The following AGPS variants were observed in gnomAD, a reference collection of about 807,000 sequenced individuals.
AGPS encodes alkyldihydroxyacetonephosphate synthase, peroxisomal.
A neutral mutation model predicts 90.7 loss-of-function variants in AGPS; 26 were observed. The ratio of observed to expected loss-of-function variants is 0.29; its 90% CI spans 0.21 to 0.40. The LOEUF is 0.40. Ranked by LOEUF, AGPS falls within the 10% of genes least tolerant of loss-of-function variation. AGPS has a pLI of 1.00. For synonymous variants in AGPS, 294 were observed against 285.3 expected (o/e 1.03, Z -0.31); for missense variants, 540 against 816.1 (o/e 0.66, Z 4.12).
chr2:177,517,786 G>A lies in AGPS; in HGVS notation c.1698-3483G>A, dbSNP rs149561989. Among the ~76,000 whole-genome samples, 10 of 152,228 alleles carry A rather than the reference G, an allele frequency of 6.6e-5. No individual in the cohort carries two copies. In the East Asian group the frequency reaches 1.7e-3, roughly 26 times the overall value. ...TATGATTATCAAAACCAAAAAATTAGTGTTGTTTCAATATGATTACCTAAC... is the reference window on the plus strand; with the variant it reads ...TATGATTATCAAAACCAAAAAATTAATGTTGTTTCAATATGATTACCTAAC... On this transcript the variant is annotated intron_variant, in intron 17 of 19. Coordinates refer to ENST00000264167, the MANE Select transcript of AGPS (RefSeq NM_003659.4).
intron 10 of AGPS, among the ~76,000 whole-genome samples, chr2:177,469,264 A>T (rs1022873472): frequency 6.6e-6 from 1 of 152,172 alleles, no homozygotes; most frequent in Non-Finnish European, 1.5e-5. Flanking sequence ...AGAGGAGCTC[A>T]TTATTCACTT....
chr2:177,438,984 A>ACACG (rs1553509835), intron 5 of AGPS, among the ~76,000 whole-genome samples: 1 of 2,404 alleles, frequency 4.2e-4, no homozygotes, highest in East Asian at 0.1. Context: ...TTCTTGCAAT[A>ACACG]CACACACACA....
intron 15 of AGPS, among the ~76,000 whole-genome samples, chr2:177,506,321 C>T (rs1178785923): frequency 2.0e-5 from 3 of 151,484 alleles, no homozygotes; most frequent in African/African-American, 7.3e-5. Context: ...TCCACAAATA[C>T]TCAGCTTTCT....
chr2:177,395,789 G>T (rs1437572780), intron 1 of AGPS, among the ~76,000 whole-genome samples: 1 of 152,166 alleles, frequency 6.6e-6, no homozygotes, highest in African/African-American at 2.4e-5. Context: ...TTTATCACAT[G>T]GTTGTTTTAT....
At chr2:177,460,577 A>G (rs551114532) in intron 8 of AGPS, among the ~76,000 whole-genome samples, 61 of 152,340 alleles carry the variant, frequency 4.0e-4, no homozygotes, top group Middle Eastern at 6.8e-3. Flanking sequence ...TTAGGGCTCC[A>G]TGAATGTCTT....
chr2:177,406,200 T>TTTTGTTTCC (rs1685462936), intron 1 of AGPS, among the ~76,000 whole-genome samples: 1 of 152,228 alleles, frequency 6.6e-6, no homozygotes, highest in African/African-American at 2.4e-5. Context: ...GTCTCACTTC[T>TTTTGTTTCC]AGCCTGGTCT....
At chr2:177,513,424 G>T (rs779987551) in intron 16 of AGPS, among the ~76,000 whole-genome samples, 23 of 152,278 alleles carry the variant, frequency 1.5e-4, no homozygotes, top group Admixed American at 2.0e-4. Flanking sequence ...AAACTTCTTA[G>T]ACATGGGTAA....
chr2:177,530,616 A>C (rs2079129690), intron 19 of AGPS, among the ~76,000 whole-genome samples: 1 of 152,118 alleles, frequency 6.6e-6, no homozygotes, highest in Non-Finnish European at 1.5e-5. Context: ...GGGTTGGGAG[A>C]ATATTGATGC....
intron 5 of AGPS, among the ~76,000 whole-genome samples, chr2:177,438,437 G>T (rs1686484993): frequency 6.6e-6 from 1 of 152,158 alleles, no homozygotes; most frequent in Admixed American, 6.5e-5. Context: ...AGTATATTTT[G>T]CTTTAAGAAA....
chr2:177,521,161 A>T, intron 17 of AGPS, 108 bp from the exon 18 acceptor site: 1 of 981,150 alleles, frequency 1.0e-6, no homozygotes, highest in East Asian at 2.5e-5. Flanking sequence ...AGAAACTGAG[A>T]TTATATCTTA....
chr2:177,480,189 T>A (rs4893828), intron 10 of AGPS, among the ~76,000 whole-genome samples: 131,150 of 151,810 alleles, frequency 0.86, 56,873 homozygotes, highest in East Asian at 0.98. Flanking sequence ...TCAAAAATTT[T>A]AAAAAAATAC....
intron 13 of AGPS, among the ~76,000 whole-genome samples, chr2:177,499,308 C>A (rs925861854): frequency 2.6e-5 from 4 of 151,672 alleles, no homozygotes; most frequent in African/African-American, 9.7e-5. Flanking sequence ...TTATTTGATT[C>A]TTTATCATAG....
rs146275476 is a variant in AGPS, at chr2:177,508,202, G to A, written c.1607+171G>A. ...ATTCATCAGAATGCCGTATTTTCAA[G>A]TGTTTTATTGGGTGGAGGGAGTTGA... On this transcript the variant is annotated intron_variant, in intron 16 of 19. Transcript: ENST00000264167. Among the ~76,000 whole-genome samples the A allele has an allele frequency of 6.5e-3, 989 of 152,252 alleles. 9 individuals carry two copies. Among genetic ancestry groups the A allele is most frequent in the African/African-American group, 0.023 (948 of 41,564 alleles).
intron 16 of AGPS, among the ~76,000 whole-genome samples, chr2:177,510,699 G>A (rs546981051): frequency 4.6e-5 from 7 of 152,000 alleles, no homozygotes; most frequent in African/African-American, 1.4e-4. Flanking sequence ...TTCTTCAGCC[G>A]AAGTTTTAAT....
At chr2:177,446,723 G>T (rs1009027065) in intron 8 of AGPS, among the ~76,000 whole-genome samples, 3 of 152,118 alleles carry the variant, frequency 2.0e-5, no homozygotes, top group African/African-American at 7.2e-5. Context: ...AATAATTTAG[G>T]CAAGAGCTGA....
rs367680692 is a variant in AGPS, at chr2:177,530,530, G to A, written c.1855+6725G>A. Among the ~76,000 whole-genome samples the A allele has an allele frequency of 5.3e-5, 8 of 152,244 alleles. No homozygotes were observed. In the East Asian group the frequency reaches 5.8e-4, roughly 11 times the overall value. On this transcript the variant is annotated intron_variant, in intron 19 of 19. Transcript: ENST00000264167. ...AAACTCAAGTTGAACTCATAGTAGC[G>A]TCTTTATTTACTGACCTTCAGGCAG...
intron 2 of AGPS, among the ~76,000 whole-genome samples, chr2:177,430,288 C>T (rs145086547): frequency 1.3e-3 from 195 of 152,316 alleles, no homozygotes; most frequent in Admixed American, 2.5e-3. Flanking sequence ...TTGTGAGGTG[C>T]TGTGGAAGTG....
At chr2:177,495,563 T>G (rs1688388596) in intron 12 of AGPS, among the ~76,000 whole-genome samples, 1 of 152,108 alleles carries the variant, frequency 6.6e-6, no homozygotes, top group African/African-American at 2.4e-5. Flanking sequence ...GAAAATTCAC[T>G]GATCAAACTG....
intron 1 of AGPS, chr2:177,393,568 T>C (rs1195033489): frequency 6.1e-6 from 6 of 985,166 alleles, no homozygotes; most frequent in African/African-American, 1.7e-5. Flanking sequence ...TCAAGATGTA[T>C]TGACTTTGAG....
Sources: allele counts gnomAD v4.1 joint callset (sites outside exome capture counted in the v4.1 genomes callset), GRCh38; gene constraint gnomAD v4.1.1; transcripts MANE v1.5; gene names NCBI Gene and HGNC (gene_info 2026-07-23, HGNC 2026-07-21).